PLEKHA7: variants seen among roughly 807,000 people sequenced by gnomAD.
PLEKHA7 encodes pleckstrin homology domain-containing family A member 7.
A neutral mutation model predicts 170.0 loss-of-function variants in PLEKHA7; 104 were observed. The observed-to-expected ratio is 0.61, with a 90% CI of 0.52 to 0.72. PLEKHA7 has a LOEUF of 0.72. Ranked by LOEUF, PLEKHA7 falls within the 30% of genes least tolerant of loss-of-function variation. The pLI is 0.00. For synonymous variants in PLEKHA7, 648 were observed against 660.8 expected (o/e 0.98, Z 0.30); for missense variants, 1,615 against 1,671.7 (o/e 0.97, Z 0.59).
At chr11:16,950,839 G>A (rs1006632819) in intron 3 of PLEKHA7, among the ~76,000 whole-genome samples, 1 of 152,286 alleles carries the variant, frequency 6.6e-6, no homozygotes, top group East Asian at 1.9e-4. Flanking sequence ...TATAGATAAA[G>A]TGTTTCCTCC....
At chr11:16,783,029 T>C in intron 25 of PLEKHA7, 133 bp from the exon 26 acceptor site, 2 of 988,674 alleles carry the variant, frequency 2.0e-6, no homozygotes, top group South Asian at 1.7e-5. Flanking sequence ...ACTTTCTCCC[T>C]AGACAAAGGT....
intron 3 of PLEKHA7, among the ~76,000 whole-genome samples, chr11:16,941,508 T>G (rs1860691251): frequency 6.6e-6 from 1 of 152,240 alleles, no homozygotes; most frequent in South Asian, 2.1e-4. Context: ...TTAGAATCAC[T>G]GACTCATAGA....
intron 3 of PLEKHA7, among the ~76,000 whole-genome samples, chr11:16,904,794 C>G (rs868729133): frequency 5.9e-5 from 9 of 151,930 alleles, no homozygotes; most frequent in Non-Finnish European, 1.2e-4. Context: ...TTTAAAACTT[C>G]AAAATGGGGA....
chr11:16,967,024 A>G (rs1862414613), intron 3 of PLEKHA7, among the ~76,000 whole-genome samples: 1 of 152,220 alleles, frequency 6.6e-6, no homozygotes, highest in African/African-American at 2.4e-5. Flanking sequence ...GGCCTCCTGG[A>G]AAGGCCACCG....
chr11:16,865,489 T>G (rs1025574026), intron 4 of PLEKHA7, among the ~76,000 whole-genome samples: 24 of 152,136 alleles, frequency 1.6e-4, no homozygotes, highest in Admixed American at 6.5e-4. Flanking sequence ...TTTGGGAGGC[T>G]GAGGCAGATG....
chr11:16,820,020 T>C (rs1564958621), intron 10 of PLEKHA7, among the ~76,000 whole-genome samples: 1 of 152,234 alleles, frequency 6.6e-6, no homozygotes, highest in Admixed American at 6.5e-5. Context: ...TCATAATGTA[T>C]ACATATATTA....
At chr11:16,779,689 C>T (rs773471966) in intron 26 of PLEKHA7, among the ~76,000 whole-genome samples, 1 of 152,178 alleles carries the variant, frequency 6.6e-6, no homozygotes, top group Non-Finnish European at 1.5e-5. Flanking sequence ...CTCAGGCTGG[C>T]GGGGACCTGC....
intron 8 of PLEKHA7, among the ~76,000 whole-genome samples, chr11:16,848,388 A>G (rs1417418086): frequency 1.3e-5 from 2 of 152,268 alleles, no homozygotes; most frequent in African/African-American, 4.8e-5. Context: ...CAGAATCTAG[A>G]GCAGGGACCT....
At position 16,891,344 on chromosome 11, in the gene PLEKHA7, C is replaced by T. The variant is rs369853882; in HGVS notation, c.222-20162G>A. ...GTAGAGAGCCATATGAAGACAGAGG[C>T]GGAGATTGGAGTGATGCCTCTATAG... On this transcript the variant is annotated intron_variant, in intron 3 of 26. Transcript: ENST00000531066. Among the ~76,000 whole-genome samples the T allele has an allele frequency of 7.2e-5, 11 of 152,100 alleles. No homozygotes were observed. In the East Asian group the frequency reaches 9.6e-4, roughly 13 times the overall value.
chr11:16,914,636 A>G (rs1278427126), intron 3 of PLEKHA7, among the ~76,000 whole-genome samples: 2 of 152,240 alleles, frequency 1.3e-5, no homozygotes, highest in African/African-American at 4.8e-5. Flanking sequence ...GGAATCCTGC[A>G]AAGAATTGGG....
chr11:16,904,668 C>A (rs1186344349), intron 3 of PLEKHA7, among the ~76,000 whole-genome samples: 1 of 152,124 alleles, frequency 6.6e-6, no homozygotes, highest in Non-Finnish European at 1.5e-5. Flanking sequence ...AAAATAAAAG[C>A]ATACATAATA....
intron 3 of PLEKHA7, among the ~76,000 whole-genome samples, chr11:16,887,229 T>A (rs184985913): frequency 0.012 from 1,771 of 152,086 alleles, 27 homozygotes; most frequent in African/African-American, 0.04. Context: ...TTTAGATTGC[T>A]TAAGCCCAGG....
intron 4 of PLEKHA7, among the ~76,000 whole-genome samples, chr11:16,865,340 C>T (rs548518456): frequency 9.8e-5 from 15 of 152,318 alleles, no homozygotes; most frequent in African/African-American, 3.6e-4. Flanking sequence ...CCTGGGGGAA[C>T]AAGGCTACAG....
At chr11:16,794,336 A>G (rs78875781) in intron 19 of PLEKHA7, 152 bp downstream of exon 19, 29,509 of 732,516 alleles carry the variant, frequency 0.04, 817 homozygotes, top group Middle Eastern at 0.092. Flanking sequence ...GCAGGGAAAT[A>G]CTACTTTTTA....
In PLEKHA7 at chr11:16,817,017, T is replaced by C; in HGVS notation, c.1649A>G (p.Asp550Gly). ...TAGCATGCTCCTGCTCCGGCCCTGG[T>C]CGGTGAACTCTGGGGAGCCAAGGCA... ...PICLGSPEFT[D>G]QGRSRSMLEV... The change falls in exon 11 of 27, where the codon GAC (aspartate) becomes GGC (glycine). Residue 550 changes from aspartate to glycine, a missense_variant. Physicochemically the swap from Asp to Gly is moderately conservative, Grantham distance 94. Transcript: ENST00000531066. The surrounding 1 kb of genome is among the most constrained non-coding windows in gnomAD (Gnocchi z 4.4). The C allele has an allele frequency of 6.2e-7, 1 of 1,603,398 alleles. No homozygotes were observed. The highest frequency in any genetic ancestry group is 8.5e-7 in the Non-Finnish European group (1 of 1,173,692).
intron 3 of PLEKHA7, among the ~76,000 whole-genome samples, chr11:16,960,595 A>G (rs1861997434): frequency 6.6e-6 from 1 of 152,136 alleles, no homozygotes; most frequent in African/African-American, 2.4e-5. Flanking sequence ...TATCCAGCAC[A>G]GAGTCCCCTG....
chr11:16,901,317 T>C (rs1339757416), intron 3 of PLEKHA7, among the ~76,000 whole-genome samples: 7 of 152,180 alleles, frequency 4.6e-5, no homozygotes, highest in Non-Finnish European at 7.3e-5. Context: ...AGCCAGACAA[T>C]AGGCTGAGAG....
chr11:16,977,302 C>A (rs914965070), intron 3 of PLEKHA7, among the ~76,000 whole-genome samples: 3 of 152,146 alleles, frequency 2.0e-5, no homozygotes, highest in African/African-American at 7.2e-5. Context: ...CCTTCCCTTT[C>A]CAAACAGGCT....
chr11:16,932,667 CAG>C (rs1860026520), intron 3 of PLEKHA7, among the ~76,000 whole-genome samples: 1 of 152,134 alleles, frequency 6.6e-6, no homozygotes, highest in Non-Finnish European at 1.5e-5. Context: ...ACAGAAGAGA[CAG>C]AGGGACAGAA....
Sources: allele counts gnomAD v4.1 joint callset (sites outside exome capture counted in the v4.1 genomes callset), GRCh38; gene constraint gnomAD v4.1.1; non-coding constraint Gnocchi (gnomAD v3.1); transcripts MANE v1.5; gene names NCBI Gene and HGNC (gene_info 2026-07-23, HGNC 2026-07-21).